Variants in AFTPH observed in about 807,000 individuals in gnomAD.
The protein encoded by AFTPH is aftiphilin, also known as aftiphilin protein.
AFTPH carries 7 observed loss-of-function variants against 72.5 expected under a neutral mutation model. The ratio of observed to expected loss-of-function variants is 0.10; its 90% CI spans 0.05 to 0.18. AFTPH has a LOEUF of 0.18. AFTPH is among the 10% of genes least tolerant of loss of function. The probability of loss-of-function intolerance (pLI) is 1.00; values close to 1 mark genes in which losing one functional copy is unlikely to be tolerated. For missense variants in AFTPH, 979 were observed against 1,060.5 expected (o/e 0.92, Z 1.07); for synonymous variants, 337 against 370.1 (o/e 0.91, Z 1.03).
chr2:64,551,446 T>C (rs531113954), exon 2 of AFTPH: 1 of 1,584,600 alleles, frequency 6.3e-7, no homozygotes, highest in Non-Finnish European at 8.6e-7. Context: ...TTTACAGGTG[T>C]AAATTAATTA....
intron 1 of AFTPH, among the ~76,000 whole-genome samples, chr2:64,527,900 G>T (rs957835607): frequency 2.6e-5 from 4 of 152,168 alleles, no homozygotes; most frequent in African/African-American, 9.7e-5. Flanking sequence ...GGGCTCATAG[G>T]TCTGTGGATT....
At chr2:64,566,998 CTTTGG>C in intron 2 of AFTPH, among the ~76,000 whole-genome samples, 1 of 152,226 alleles carries the variant, frequency 6.6e-6, no homozygotes, top group Non-Finnish European at 1.5e-5. Flanking sequence ...TTCTTTGCTA[CTTTGG>C]TTTGTACTGT....
chr2:64,564,409 T>C (rs923124535), intron 2 of AFTPH, among the ~76,000 whole-genome samples: 2 of 152,122 alleles, frequency 1.3e-5, no homozygotes, highest in Non-Finnish European at 2.9e-5. Context: ...CTCTGAATTA[T>C]CATCCACCTC....
chr2:64,530,936 CT>C (rs1237949851), intron 1 of AFTPH, among the ~76,000 whole-genome samples: 1 of 151,842 alleles, frequency 6.6e-6, no homozygotes, highest in East Asian at 1.9e-4. Flanking sequence ...GTGTCAGGCA[CT>C]TGTAATCCCA....
At chr2:64,570,181 A>G (rs1053106072) in intron 5 of AFTPH, among the ~76,000 whole-genome samples, 1 of 152,150 alleles carries the variant, frequency 6.6e-6, no homozygotes, top group African/African-American at 2.4e-5. Context: ...TTGTTTTTTC[A>G]GATATGCCAG....
At chr2:64,586,410 A>G (rs547380731) in intron 8 of AFTPH, among the ~76,000 whole-genome samples, 1 of 152,362 alleles carries the variant, frequency 6.6e-6, no homozygotes, top group South Asian at 2.1e-4. Flanking sequence ...ATCACATGTT[A>G]AATTCAGGTT....
chr2:64,532,374 G>C lies in AFTPH; in HGVS notation c.-33+7762G>C, dbSNP rs556762908. Among the ~76,000 whole-genome samples, 12 of 152,214 alleles carry C rather than the reference G, an allele frequency of 7.9e-5. No individual in the cohort carries two copies. The South Asian group carries it at 1.9e-3, about 24-fold the overall frequency. Reference sequence around the variant, plus strand: ...AATCTTTATCACAAGAAGAGGATTGGCATGATCAAATTTGACTTTTAAAAA... The same window carrying C: ...AATCTTTATCACAAGAAGAGGATTGCCATGATCAAATTTGACTTTTAAAAA... On this transcript the variant is annotated intron_variant, in intron 1 of 8. Coordinates refer to ENST00000238856, the Ensembl canonical transcript of AFTPH.
At chr2:64,545,325 T>C (rs1250237167) in intron 1 of AFTPH, among the ~76,000 whole-genome samples, 1 of 151,768 alleles carries the variant, frequency 6.6e-6, no homozygotes, top group Non-Finnish European at 1.5e-5. Flanking sequence ...TTATCCTAGA[T>C]AAATGAAAAC....
intron 1 of AFTPH, among the ~76,000 whole-genome samples, chr2:64,530,507 T>C (rs1419487090): frequency 6.6e-6 from 1 of 152,194 alleles, no homozygotes; most frequent in African/African-American, 2.4e-5. Context: ...GGTGTGCCCA[T>C]GATGGCAGGA....
chr2:64,564,628 T>TA lies in AFTPH; in HGVS notation c.1936-2928dup, dbSNP rs200631493. On this transcript the variant is annotated intron_variant, in intron 2 of 8. Coordinates refer to ENST00000238856, the Ensembl canonical transcript of AFTPH. ...GACTCCATCTCAAAAAAATAAAAAA[T>TA]AAAAAATAAAATAAATAAATGCAGA... Among the ~76,000 whole-genome samples the TA allele has an allele frequency of 3.0e-4, 44 of 145,628 alleles. No individual in the cohort carries two copies. The South Asian group carries it at 3.8e-3, about 13-fold the overall frequency.
chr2:64,552,142 C>G (rs1016848671), exon 2 of AFTPH: 1 of 1,614,114 alleles, frequency 6.2e-7, no homozygotes, highest in African/African-American at 1.3e-5. Flanking sequence ...AATTTAGACT[C>G]TGTACCTAGT....
intron 1 of AFTPH, among the ~76,000 whole-genome samples, chr2:64,532,597 G>A (rs897916185): frequency 6.6e-6 from 1 of 152,184 alleles, no homozygotes; most frequent in African/African-American, 2.4e-5. Context: ...TTCTGGTATG[G>A]TAACTGGGTT....
intron 7 of AFTPH, among the ~76,000 whole-genome samples, chr2:64,582,564 C>T (rs1432503143): frequency 6.6e-6 from 1 of 152,108 alleles, no homozygotes; most frequent in Non-Finnish European, 1.5e-5. Flanking sequence ...TCTAAATTTA[C>T]ATTTGATCTG....
At chr2:64,591,385 T>C (rs186617626) in intron 8 of AFTPH, among the ~76,000 whole-genome samples, 113 of 152,358 alleles carry the variant, frequency 7.4e-4, no homozygotes, top group African/African-American at 2.6e-3. Context: ...GCTGAGAGCT[T>C]TCTCTCCTGG....
intron 8 of AFTPH, 132 bp downstream of exon 9, chr2:64,585,677 C>T (rs1435613713): frequency 1.1e-6 from 1 of 937,544 alleles, no homozygotes; most frequent in Non-Finnish European, 1.6e-6. Context: ...AGTCGATGCC[C>T]AAGTCCAGAA....
intron 1 of AFTPH, among the ~76,000 whole-genome samples, chr2:64,538,858 T>C (rs1459280211): frequency 1.3e-5 from 2 of 151,024 alleles, no homozygotes; most frequent in Admixed American, 1.3e-4. Context: ...TTATAACCTT[T>C]AGTAAATGCT....
At chr2:64,556,991 C>A (rs1671416840) in intron 2 of AFTPH, among the ~76,000 whole-genome samples, 2 of 152,132 alleles carry the variant, frequency 1.3e-5, no homozygotes, top group South Asian at 4.1e-4. Flanking sequence ...CACTTTTTGG[C>A]TAAAGATTTA....
chr2:64,574,789 C>T (rs934314646), intron 6 of AFTPH, among the ~76,000 whole-genome samples: 3 of 152,208 alleles, frequency 2.0e-5, no homozygotes, highest in African/African-American at 7.2e-5. Flanking sequence ...AGAATCTGTT[C>T]TTAGTTACCT....
At chr2:64,548,407 G>GA (rs57995634) in intron 1 of AFTPH, among the ~76,000 whole-genome samples, 638 of 59,976 alleles carry the variant, frequency 0.011, 42 homozygotes, top group African/African-American at 0.014. Flanking sequence ...CTCAAAAAAA[G>GA]AAAAAAAAAA....
Sources: gnomAD v4.1 joint callset for allele counts (sites outside exome capture counted in the v4.1 genomes callset) on GRCh38, gnomAD v4.1.1 for gene constraint, MANE v1.5 for transcripts, NCBI Gene and HGNC (gene_info 2026-07-23, HGNC 2026-07-21) for gene names.